The following TNFRSF8 variants were observed in gnomAD, a reference collection of about 807,000 sequenced individuals.
TNFRSF8 encodes the protein TNF receptor superfamily member 8.
A neutral mutation model predicts 70.8 loss-of-function variants in TNFRSF8; 26 were observed. The ratio of observed to expected loss-of-function variants is 0.37; its 90% CI spans 0.27 to 0.51. TNFRSF8 has a LOEUF of 0.51. Ranked by LOEUF, TNFRSF8 falls within the 20% of genes least tolerant of loss-of-function variation. The probability of loss-of-function intolerance (pLI) is 0.94; values close to 1 mark genes in which losing one functional copy is unlikely to be tolerated. For missense variants in TNFRSF8, 720 were observed against 807.9 expected (o/e 0.89, Z 1.32); for synonymous variants, 356 against 339.2 (o/e 1.05, Z -0.54).
chr1:12,095,741 G>C (rs1199251009), intron 2 of TNFRSF8, among the ~76,000 whole-genome samples: 9 of 152,180 alleles, frequency 5.9e-5, no homozygotes, highest in Admixed American at 5.9e-4. Flanking sequence ...GAAATATTGG[G>C]AACCCCCTGG....
intron 8 of TNFRSF8, among the ~76,000 whole-genome samples, chr1:12,117,748 G>C (rs916906467): frequency 6.6e-6 from 1 of 152,178 alleles, no homozygotes; most frequent in African/African-American, 2.4e-5. Flanking sequence ...TACATGCTTA[G>C]ATTGGGTGGT....
At chr1:12,121,537 G>A (rs1641828521) in intron 8 of TNFRSF8, among the ~76,000 whole-genome samples, 1 of 152,234 alleles carries the variant, frequency 6.6e-6, no homozygotes, top group African/African-American at 2.4e-5. Context: ...TCCCCAGGCA[G>A]GAGGCAGTGC....
rs1054003224 is a variant in TNFRSF8 at position 12,119,349 on chromosome 1, A to T, written c.946+3620A>T. ...AAAGTGCTCCAGGCGTCTCCCCCAC[A>T]GTGGCAGCCTCAATTTCTCTGTGCA... On this transcript the variant is annotated intron_variant, in intron 8 of 14. Transcript: ENST00000263932. The surrounding 1 kb of genome is among the most constrained non-coding windows in gnomAD (Gnocchi z 4.4). 6.6e-6 allele frequency among the ~76,000 whole-genome samples: 1 copy of T among 152,138 alleles called. No homozygotes were observed. Among genetic ancestry groups the T allele is most frequent in the Non-Finnish European group, 1.5e-5 (1 of 68,028 alleles).
intron 1 of TNFRSF8, among the ~76,000 whole-genome samples, chr1:12,068,394 T>C (rs1319268242): frequency 6.6e-6 from 1 of 152,050 alleles, no homozygotes; most frequent in African/African-American, 2.4e-5. Flanking sequence ...GAGTCTTGCC[T>C]ACAGTTCCAG....
chr1:12,111,472 G>A lies in TNFRSF8; in HGVS notation c.677-426G>A, dbSNP rs369915080. ...GCTGGGATTACAGACGTGAGCCACC[G>A]CGCCCGGCCCACACCAGTCTTTAAA... On this transcript the variant is annotated intron_variant, in intron 6 of 14. Transcript: ENST00000263932. 5.3e-5 allele frequency among the ~76,000 whole-genome samples: 8 copies of A among 152,168 alleles called. No homozygotes were observed. The South Asian group carries it at 1.0e-3, about 20-fold the overall frequency.
chr1:12,093,614 C>T (rs1259813060), intron 2 of TNFRSF8, among the ~76,000 whole-genome samples: 1 of 152,066 alleles, frequency 6.6e-6, no homozygotes, highest in Admixed American at 6.6e-5. Context: ...TATGCCCGCT[C>T]ACTGCAACCT....
chr1:12,133,632 C>T (rs964706731), intron 12 of TNFRSF8, among the ~76,000 whole-genome samples: 34 of 149,094 alleles, frequency 2.3e-4, no homozygotes, highest in African/African-American at 8.2e-4. Flanking sequence ...CCCAGCTACT[C>T]GGGAGGCTGA....
intron 4 of TNFRSF8, among the ~76,000 whole-genome samples, chr1:12,107,599 A>T (rs1641547547): frequency 6.6e-6 from 1 of 152,086 alleles, no homozygotes; most frequent in Non-Finnish European, 1.5e-5. Context: ...ATTTCTTTTT[A>T]CCTTTTAAAG....
rs542462017 is a variant in TNFRSF8, at chr1:12,114,694, CTTTTTTTTTTTT to C, written c.794-865_794-854del. On this transcript the variant is annotated intron_variant, in intron 7 of 14. Transcript: ENST00000263932. ...TTTTTGCTTTTGGAGGAAAAAAAATCTTTTTTTTTTTTTTTTTTTTTTTTTTTTTAAATAGAC... is the reference window on the plus strand; with the variant it reads ...TTTTTGCTTTTGGAGGAAAAAAAATCTTTTTTTTTTTTTTTTTAAATAGAC... Among the ~76,000 whole-genome samples the C allele has an allele frequency of 4.4e-4, 34 of 77,046 alleles. 2 individuals are homozygous for C. Among genetic ancestry groups the C allele is most frequent in the South Asian group, 1.1e-3 (2 of 1,826 alleles). 50.5% of individuals were successfully genotyped at this position (77,046 alleles called of 152,430 possible).
At position 12,074,198 on chromosome 1, in the gene TNFRSF8, C is replaced by T. The variant is rs114302059; in HGVS notation, c.64-10266C>T. Among the ~76,000 whole-genome samples the T allele has an allele frequency of 9.4e-3, 1,431 of 152,184 alleles. 16 individuals are homozygous for T. The highest frequency in any genetic ancestry group is 0.014 in the Non-Finnish European group (966 of 68,006). Reference sequence around the variant, plus strand: ...GACTCGCTCTCCTCCATCCTGTCCACCTCCCCACCACATTAATGACCCTGA... The same window carrying T: ...GACTCGCTCTCCTCCATCCTGTCCATCTCCCCACCACATTAATGACCCTGA... On this transcript the variant is annotated intron_variant, in intron 1 of 14. Coordinates refer to ENST00000263932, the MANE Select transcript of TNFRSF8 (RefSeq NM_001243.5).
intron 3 of TNFRSF8, among the ~76,000 whole-genome samples, chr1:12,103,515 G>C (rs769503053): frequency 6.6e-5 from 10 of 152,010 alleles, no homozygotes; most frequent in Non-Finnish European, 1.2e-4. Context: ...TTTTGCCCAG[G>C]CTGGAGTGCA....
chr1:12,131,622 T>C (rs1387165231), intron 12 of TNFRSF8, among the ~76,000 whole-genome samples: 1 of 152,104 alleles, frequency 6.6e-6, no homozygotes, highest in Non-Finnish European at 1.5e-5. Context: ...GCCTCCCCAG[T>C]AGCTGGGACT....
intron 2 of TNFRSF8, among the ~76,000 whole-genome samples, chr1:12,087,619 C>G (rs950726827): frequency 6.6e-6 from 1 of 152,194 alleles, no homozygotes; most frequent in Non-Finnish European, 1.5e-5. Context: ...TCTCAGGGCC[C>G]GCTTGCTGTG....
chr1:12,101,694 TG>T (rs200449550), intron 3 of TNFRSF8, among the ~76,000 whole-genome samples: 1 of 150,604 alleles, frequency 6.6e-6, no homozygotes. Context: ...TTGTTTTTTT[TG>T]TTTGAGATGG....
intron 1 of TNFRSF8, among the ~76,000 whole-genome samples, chr1:12,081,046 C>T (rs1641054674): frequency 1.3e-5 from 2 of 152,150 alleles, no homozygotes; most frequent in South Asian, 4.1e-4. Flanking sequence ...AAAGAGCTAG[C>T]AGTGTGTAAA....
rs777521542 is a variant in TNFRSF8 at position 12,123,335 on chromosome 1, C to T, written c.998C>T (p.Pro333Leu). 3.7e-6 allele frequency: 6 copies of T among 1,613,314 alleles called. No homozygotes were observed. The highest frequency in any genetic ancestry group is 4.5e-5 in the East Asian group (2 of 44,884). Reference protein sequence around the residue: ...TFEAPPLGTQPDCNPTPENGE... With the variant: ...TFEAPPLGTQLDCNPTPENGE... ...GAGGCGCCACCCCTGGGGACCCAGCCGGACTGCAACCCCACCCCAGAGAAT... is the reference window on the plus strand; with the variant it reads ...GAGGCGCCACCCCTGGGGACCCAGCTGGACTGCAACCCCACCCCAGAGAAT... Residue 333 changes from proline (P) to leucine (L), a missense_variant, in exon 9 of 15, where the codon CCG (proline) becomes CTG (leucine). Pro to Leu is a moderately conservative substitution (Grantham distance 98). Transcript: ENST00000263932.
intron 1 of TNFRSF8, among the ~76,000 whole-genome samples, chr1:12,071,765 G>A (rs1640851495): frequency 6.6e-6 from 1 of 152,140 alleles, no homozygotes. Context: ...GTTTCACCAT[G>A]TTGGCCAGGC....
intron 3 of TNFRSF8, among the ~76,000 whole-genome samples, chr1:12,103,544 A>T (rs1157939434): frequency 6.6e-6 from 1 of 152,060 alleles, no homozygotes; most frequent in Non-Finnish European, 1.5e-5. Flanking sequence ...ATCACAGCTC[A>T]CTACAGCCTC....
At chr1:12,084,583 G>C (rs1641120868) in intron 2 of TNFRSF8, 32 bp downstream of exon 2, 1 of 1,594,564 alleles carries the variant, frequency 6.3e-7, no homozygotes, top group South Asian at 1.1e-5. Context: ...GGGGAGAAGG[G>C]GGGAAATTTG....
Sources: gnomAD v4.1 joint callset for allele counts (sites outside exome capture counted in the v4.1 genomes callset) on GRCh38, gnomAD v4.1.1 for gene constraint, Gnocchi (gnomAD v3.1) non-coding constraint, MANE v1.5 for transcripts, NCBI Gene and HGNC (gene_info 2026-07-23, HGNC 2026-07-21) for gene names.